The following BICDL1 variants were observed in gnomAD, a reference collection of about 807,000 sequenced individuals.
BICDL1 encodes the protein BICD family-like cargo adapter 1.
Under a neutral mutation model 76.8 loss-of-function variants are expected in BICDL1, and 20 were observed. The observed-to-expected ratio is 0.26, with a 90% CI of 0.18 to 0.38. The LOEUF (loss-of-function observed/expected upper bound fraction) is 0.38, where lower values mean the gene tolerates loss of function less well. BICDL1 is among the 10% of genes least tolerant of loss of function. The pLI, the probability that BICDL1 is intolerant of heterozygous loss-of-function variation, is 1.00. For missense variants in BICDL1, 700 were observed against 798.6 expected, an observed-to-expected ratio of 0.88 and a Z score of 1.49; for synonymous variants, 383 against 337.1, an observed-to-expected ratio of 1.14 and a Z score of -1.49.
chr12:119,995,851 T>G (rs1461074713), intron 1 of BICDL1, among the ~76,000 whole-genome samples: 1 of 150,998 alleles, frequency 6.6e-6, no homozygotes, highest in African/African-American at 2.4e-5. Context: ...CTGGGCGTGG[T>G]GGTGGGCGCC....
At chr12:120,023,616 C>G (rs1170072927) in intron 2 of BICDL1, among the ~76,000 whole-genome samples, 1 of 151,982 alleles carries the variant, frequency 6.6e-6, no homozygotes, top group Non-Finnish European at 1.5e-5. Flanking sequence ...ATGGTGAACC[C>G]CATCTCTACT....
At chr12:120,056,373 CTCA>C (rs1261425637) in intron 2 of BICDL1, among the ~76,000 whole-genome samples, 2 of 152,196 alleles carry the variant, frequency 1.3e-5, no homozygotes, top group African/African-American at 4.8e-5. Flanking sequence ...GTAGCCAAAA[CTCA>C]TCATTTTGAT....
chr12:120,036,345 G>A lies in BICDL1; in HGVS notation c.646-25365G>A, dbSNP rs188759156. Among the ~76,000 whole-genome samples, 447 of 152,322 alleles carry A rather than the reference G, an allele frequency of 2.9e-3. 4 individuals carry two copies. The highest frequency in any genetic ancestry group is 0.01 in the African/African-American group (433 of 41,580). ...TTATGAATTTACTCAGTTATCCATG[G>A]GATAGCCTTTATGCTAGTTTAATTC... is the stretch of plus-strand genomic sequence containing the variant. On this transcript the variant is annotated intron_variant, in intron 2 of 9. Transcript: ENST00000548673.
intron 2 of BICDL1, among the ~76,000 whole-genome samples, chr12:120,057,671 TTATC>T (rs1161416833): frequency 6.6e-6 from 1 of 152,178 alleles, no homozygotes; most frequent in African/African-American, 2.4e-5. Flanking sequence ...ATAACTCAGA[TTATC>T]TATTCCCTCC....
intron 2 of BICDL1, among the ~76,000 whole-genome samples, chr12:120,044,570 A>G (rs902114354): frequency 3.3e-5 from 5 of 152,230 alleles, no homozygotes; most frequent in African/African-American, 1.2e-4. Context: ...TTCTTTTCCA[A>G]GCATTTTCAT....
At chr12:120,077,874 G>A (rs1873682342) in intron 7 of BICDL1, among the ~76,000 whole-genome samples, 1 of 151,896 alleles carries the variant, frequency 6.6e-6, no homozygotes, top group African/African-American at 2.4e-5. Flanking sequence ...CAAGTTCTGG[G>A]TGGGTTCCCA....
chr12:120,031,957 G>A (rs1442887978), intron 2 of BICDL1, among the ~76,000 whole-genome samples: 1 of 152,068 alleles, frequency 6.6e-6, no homozygotes, highest in African/African-American at 2.4e-5. Context: ...GGGCATGGTG[G>A]TGTGCACCTG....
intron 2 of BICDL1, among the ~76,000 whole-genome samples, chr12:120,011,393 G>T (rs1242674168): frequency 6.6e-6 from 1 of 152,148 alleles, no homozygotes; most frequent in Non-Finnish European, 1.5e-5. Flanking sequence ...AGAGTCCTGG[G>T]CTTCAGTTTT....
At position 120,071,871 on chromosome 12, in the gene BICDL1, T is replaced by C; in HGVS notation, c.1089+70T>C. On this transcript the variant is annotated intron_variant, in intron 5 of 9. Transcript: ENST00000548673. The surrounding 1 kb of genome is among the most constrained non-coding windows in gnomAD (Gnocchi z 4.8). ...GCTTAGGTCTCATCCTCCTCCCTAG[T>C]GCTCAGCTGCCATCCTGGCAAGGCT... is the stretch of plus-strand genomic sequence containing the variant. The C allele has an allele frequency of 6.9e-6, 10 of 1,450,972 alleles. No individual in the cohort carries two copies. Among genetic ancestry groups the C allele is most frequent in the Non-Finnish European group, 9.1e-6 (10 of 1,101,396 alleles). The allele number at this position is 1,450,972 out of a possible 1,614,324, so 89.9% of individuals were successfully genotyped here.
At chr12:120,046,809 G>GTA (rs1176211192) in intron 2 of BICDL1, among the ~76,000 whole-genome samples, 1 of 152,174 alleles carries the variant, frequency 6.6e-6, no homozygotes, top group Non-Finnish European at 1.5e-5. Flanking sequence ...GTACAGTGTG[G>GTA]TGTATTAGGA....
intron 2 of BICDL1, among the ~76,000 whole-genome samples, chr12:120,008,150 C>CTTTTT (rs71072590): frequency 9.7e-5 from 6 of 61,720 alleles, no homozygotes; most frequent in Non-Finnish European, 1.7e-4. Context: ...ATTACTCTTT[C>CTTTTT]TTTTTTTTTT....
chr12:120,057,472 A>C (rs768871113), intron 2 of BICDL1, among the ~76,000 whole-genome samples: 1 of 152,150 alleles, frequency 6.6e-6, no homozygotes, highest in Non-Finnish European at 1.5e-5. Context: ...TTAGCATTTA[A>C]CTTCCAGAAA....
intron 1 of BICDL1, among the ~76,000 whole-genome samples, chr12:119,993,604 T>C (rs1176348776): frequency 6.6e-6 from 1 of 151,814 alleles, no homozygotes; most frequent in Non-Finnish European, 1.5e-5. Flanking sequence ...CTGAATCAGA[T>C]GCTTAAAGTT....
chr12:120,088,954 G>A (rs145633188), intron 8 of BICDL1, among the ~76,000 whole-genome samples: 2,875 of 152,236 alleles, frequency 0.019, 80 homozygotes, highest in African/African-American at 0.065. Context: ...GTGAGCCACC[G>A]CACCCGGCCT....
chr12:120,061,929 A>G lies in BICDL1; in HGVS notation c.762+103A>G, dbSNP rs1396602663. On this transcript the variant is annotated intron_variant, in intron 3 of 9. Coordinates refer to ENST00000548673, the MANE Select transcript of BICDL1 (RefSeq NM_001367886.1). ...GGGCCTAAAATCTCTACAGAAAGAC[A>G]TTTCTGTGCGAAACTAAATGGGAAA... 5 of 727,004 alleles carry G rather than the reference A, an allele frequency of 6.9e-6. No homozygotes were observed. In the African/African-American group the frequency reaches 7.1e-5, roughly 10 times the overall value. The allele number at this position is 727,004 out of a possible 1,614,324, so 45.0% of individuals were successfully genotyped here.
intron 2 of BICDL1, among the ~76,000 whole-genome samples, chr12:120,042,545 C>T (rs1419776405): frequency 2.0e-5 from 3 of 152,192 alleles, no homozygotes; most frequent in African/African-American, 7.2e-5. Flanking sequence ...TGGCTCACGT[C>T]TGTAATCCCA....
In BICDL1 at chr12:120,071,127, C is replaced by T. The variant is rs1162804751; in HGVS notation, c.910-495C>T. 1.3e-5 allele frequency among the ~76,000 whole-genome samples: 2 copies of T among 151,726 alleles called. No homozygotes were observed. Among genetic ancestry groups the T allele is most frequent in the African/African-American group, 4.8e-5 (2 of 41,274 alleles). ...TGTTAAGGAAATGGAGTTGTTTGTC[C>T]TATAGAATTTTCTTTTTTCTTTTTT... On this transcript the variant is annotated intron_variant, in intron 4 of 9. Coordinates refer to ENST00000548673, the MANE Select transcript of BICDL1 (RefSeq NM_001367886.1). This position sits in a 1 kb window ranked among gnomAD's most constrained non-coding sequence, Gnocchi z 4.8.
chr12:120,018,141 G>C (rs534416410), intron 2 of BICDL1, among the ~76,000 whole-genome samples: 1 of 152,134 alleles, frequency 6.6e-6, no homozygotes, highest in African/African-American at 2.4e-5. Flanking sequence ...CAGCTTTTGC[G>C]CTGGATACCG....
intron 7 of BICDL1, chr12:120,080,557 T>C (rs369134460): frequency 4.5e-6 from 1 of 222,082 alleles, no homozygotes; most frequent in East Asian, 9.1e-5. Context: ...ACTTATGGTC[T>C]TCATTCACTT....
Sources: gnomAD v4.1 joint callset for allele counts (sites outside exome capture counted in the v4.1 genomes callset) on GRCh38, gnomAD v4.1.1 for gene constraint, Gnocchi (gnomAD v3.1) non-coding constraint, MANE v1.5 for transcripts, NCBI Gene and HGNC (gene_info 2026-07-23, HGNC 2026-07-21) for gene names.